The following VWCE variants were observed in gnomAD, a reference collection of about 807,000 sequenced individuals.
The protein encoded by VWCE is von Willebrand factor C and EGF domain-containing protein.
Under a neutral mutation model 102.9 loss-of-function variants are expected in VWCE, and 68 were observed. The observed-to-expected ratio is 0.66, with a 90% CI of 0.54 to 0.81. The LOEUF is 0.81. VWCE is among the 30% of genes least tolerant of loss of function. The pLI, the probability that VWCE is intolerant of heterozygous loss-of-function variation, is 0.00. For synonymous variants in VWCE, 497 were observed against 515.4 expected (o/e 0.96, Z 0.48); for missense variants, 1,137 against 1,263.6 (o/e 0.90, Z 1.52).
In VWCE at chr11:61,265,027, C is replaced by T. The variant is rs556243257; in HGVS notation, c.2068G>A (p.Glu690Lys). The T allele has an allele frequency of 5.1e-5, 83 of 1,614,152 alleles. No homozygotes were observed. Among genetic ancestry groups the T allele is most frequent in the South Asian group, 7.7e-5 (7 of 91,084 alleles). Residue 690 changes from glutamate (E) to lysine (K), a missense_variant, in exon 18 of 20, where the codon GAG becomes AAG. Physicochemically the swap from Glu to Lys is moderately conservative, Grantham distance 56. Transcript: ENST00000335613. ...TGGCCATTCGCCACCTTCCTTCCCT[C>T]GTAGTTGCAGTCTGTGGAGGAAGGG... ...CCPVCRDCNYEGRKVANGQVF... is the reference protein window; with the variant it reads ...CCPVCRDCNYKGRKVANGQVF...
Position 61,280,724 on chromosome 11 carries a change from G to C in VWCE, c.1231-7C>G, listed in dbSNP as rs78505441. 9,234 of 1,613,878 alleles carry C rather than the reference G, an allele frequency of 5.7e-3. 205 individuals carry two copies. The African/African-American group carries it at 0.058, about 10-fold the overall frequency. Reference sequence around the variant, plus strand: ...CACAGGTCACCTTCCCGTCCTAGAAGCACAAGCAGGAGTTAGAGCCACCAC... The same window carrying C: ...CACAGGTCACCTTCCCGTCCTAGAACCACAAGCAGGAGTTAGAGCCACCAC... On this transcript the variant is annotated splice_region_variant and splice_polypyrimidine_tract_variant and intron_variant, in intron 8 of 19. Coordinates refer to ENST00000335613, the MANE Select transcript of VWCE (RefSeq NM_152718.2).
chr11:61,274,171 G>A (rs550203098), intron 12 of VWCE, among the ~76,000 whole-genome samples: 14 of 152,130 alleles, frequency 9.2e-5, no homozygotes, highest in Admixed American at 3.3e-4. Flanking sequence ...TTAACATCCC[G>A]CCTTCCAAAA....
rs753082111 is a variant in VWCE, at chr11:61,270,241, C to T, written c.1786-1223G>A. Among the ~76,000 whole-genome samples, 109 of 152,218 alleles carry T rather than the reference C, an allele frequency of 7.2e-4. 2 individuals are homozygous for T. Among genetic ancestry groups the T allele is most frequent in the East Asian group, 5.8e-4 (3 of 5,180 alleles). On this transcript the variant is annotated intron_variant, in intron 14 of 19. Transcript: ENST00000335613. The stretch of plus-strand genomic sequence containing the variant: ...GCCCAGCTTACAGCTTTTTAACAAA[C>T]GGCTCATCGAAGGCACTAGAAGGCT...
Position 61,294,030 on chromosome 11 carries a change from A to G in VWCE, c.110+898T>C, listed in dbSNP as rs1419572538. ...CTCTCAGAAACGGACAGGCAGTGCC[A>G]CCAAGGCGGCAGATAAAAGGGTGCC... On this transcript the variant is annotated intron_variant, in intron 1 of 19. Transcript: ENST00000335613. This position sits in a 1 kb window ranked among gnomAD's most constrained non-coding sequence, Gnocchi z 6.3. Among the ~76,000 whole-genome samples the G allele has an allele frequency of 6.6e-6, 1 of 152,176 alleles. No homozygotes were observed. The highest frequency in any genetic ancestry group is 1.9e-4 in the East Asian group (1 of 5,194).
chr11:61,268,835 A>C, intron 15 of VWCE, 87 bp downstream of exon 15: 6 of 1,360,588 alleles, frequency 4.4e-6, no homozygotes, highest in Non-Finnish European at 6.2e-6. Context: ...TGTTAGGACG[A>C]CATGAGATGA....
chr11:61,286,779 C>T (rs944294149), intron 4 of VWCE, among the ~76,000 whole-genome samples: 14 of 151,546 alleles, frequency 9.2e-5, no homozygotes, highest in South Asian at 6.3e-4. Flanking sequence ...CCAGCCTGGG[C>T]GACAAGAGCA....
At chr11:61,285,358 A>C (rs770302473) in intron 5 of VWCE, among the ~76,000 whole-genome samples, 34 of 152,170 alleles carry the variant, frequency 2.2e-4, no homozygotes, top group Non-Finnish European at 3.1e-4. Flanking sequence ...ATAATGTGTA[A>C]ATAAAAGGCA....
rs753648689 is a variant in VWCE, at chr11:61,264,516, A to G, written c.2201T>C (p.Leu734Pro). 2 of 1,613,700 alleles carry G rather than the reference A, an allele frequency of 1.2e-6. No individual in the cohort carries two copies. The highest frequency in any genetic ancestry group is 2.2e-5 in the South Asian group (2 of 90,900). The change falls in exon 19 of 20, where the codon CTT becomes CCT. Residue 734 changes from leucine (L) to proline (P), a missense_variant. Transcript: ENST00000335613. ...ACAGGAAGAGCAGCAGTCCCCAGGA[A>G]GCAGGGCAGGGTCGGCACAGGCCCG... ...CQRACADPAL[L>P]PGDCCSSCPD...
At chr11:61,274,643 G>A (rs561804113) in intron 11 of VWCE, 59 bp from the exon 12 acceptor site, 16 of 1,540,860 alleles carry the variant, frequency 1.0e-5, no homozygotes, top group Non-Finnish European at 1.4e-5. Flanking sequence ...GCTAAAGAAA[G>A]GGGGGAACAA....
rs1463567434 is a variant in VWCE at position 61,282,819 on chromosome 11, G to A, written c.628C>T (p.His210Tyr). 1.9e-6 allele frequency: 3 copies of A among 1,614,094 alleles called. No individual in the cohort carries two copies. The highest frequency in any genetic ancestry group is 1.3e-5 in the African/African-American group (1 of 74,942). Residue 210 changes from histidine to tyrosine, a missense_variant, in exon 6 of 20, where the codon CAC becomes TAC. By Grantham distance (83) the His-to-Tyr change is moderately conservative. Coordinates refer to ENST00000335613, the MANE Select transcript of VWCE (RefSeq NM_152718.2). ...CAGGAGTGCCGGTTGCCATGAAGGT[G>A]GAAGCCAGTTCGACAGGAACACTTG... ...SYKCSCRTGF[H>Y]LHGNRHSCVD... is the part of the protein sequence containing the mutation.
rs1182606202 is a variant in VWCE at position 61,258,415 on chromosome 11, C to G, written c.*260G>C. On this transcript the variant is annotated 3_prime_UTR_variant, in exon 20 of 20. Coordinates refer to ENST00000335613, the MANE Select transcript of VWCE (RefSeq NM_152718.2). ...CCAGGAGAACTTGGCAGTCCCAACC[C>G]TTCTCAAAAGATGAGCCAGCCACGC... is the stretch of plus-strand genomic sequence containing the variant. 2.9e-6 allele frequency: 1 copy of G among 341,980 alleles called. No homozygotes were observed. The highest frequency in any genetic ancestry group is 2.1e-5 in the African/African-American group (1 of 47,502). 21.2% of individuals were successfully genotyped at this position (341,980 alleles called of 1,614,324 possible). A position where few individuals can be genotyped will look rare whatever the true frequency, so the allele number is the denominator to read the frequency against.
chr11:61,273,318 T>C lies in VWCE; in HGVS notation c.1582-2A>G, dbSNP rs1854793732. 6.2e-7 allele frequency: 1 copy of C among 1,607,230 alleles called. No homozygotes were observed. On this transcript the variant is annotated splice_acceptor_variant, in intron 12 of 19. Coordinates refer to ENST00000335613, the MANE Select transcript of VWCE (RefSeq NM_152718.2). LOFTEE classifies it high-confidence loss of function. Reference sequence around the variant, plus strand: ...GAAGGAGCACTCCACCTCCCCATTCTGGAAGAGAGCCCAGGCACAGAATGA... The same window carrying C: ...GAAGGAGCACTCCACCTCCCCATTCCGGAAGAGAGCCCAGGCACAGAATGA...
chr11:61,282,824 C>A lies in VWCE; in HGVS notation c.623G>T (p.Gly208Val). Residue 208 changes from glycine to valine, a missense_variant, in exon 6 of 20, where the codon GGC becomes GTC. Coordinates refer to ENST00000335613, the MANE Select transcript of VWCE (RefSeq NM_152718.2). Reference sequence around the variant, plus strand: ...GTGCCGGTTGCCATGAAGGTGGAAGCCAGTTCGACAGGAACACTTGTAGCT... The same window carrying A: ...GTGCCGGTTGCCATGAAGGTGGAAGACAGTTCGACAGGAACACTTGTAGCT... Reference protein sequence around the residue: ...IGSYKCSCRTGFHLHGNRHSC... With the variant: ...IGSYKCSCRTVFHLHGNRHSC... 1 of 1,614,200 alleles carries A rather than the reference C, an allele frequency of 6.2e-7. No individual in the cohort carries two copies. The highest frequency in any genetic ancestry group is 8.5e-7 in the Non-Finnish European group (1 of 1,180,030).
chr11:61,286,639 T>C (rs1200927682), intron 4 of VWCE, among the ~76,000 whole-genome samples: 9 of 151,626 alleles, frequency 5.9e-5, no homozygotes, highest in Non-Finnish European at 1.3e-4. Flanking sequence ...CCGTCTCTAC[T>C]AAAAATACAA....
chr11:61,271,487 C>A, intron 14 of VWCE, 188 bp downstream of exon 14: 1 of 548,820 alleles, frequency 1.8e-6, no homozygotes, highest in Admixed American at 3.0e-5. Flanking sequence ...GCACCATCGT[C>A]CTCACACATC....
In VWCE at chr11:61,278,408, C is replaced by T. The variant is rs529893923; in HGVS notation, c.1393G>A (p.Val465Ile). The T allele has an allele frequency of 4.1e-5, 66 of 1,614,024 alleles. No individual in the cohort carries two copies. Among genetic ancestry groups the T allele is most frequent in the East Asian group, 8.9e-5 (4 of 44,900 alleles). Reference protein sequence around the residue: ...VFSPPNENCTVCVCLAGNVSC... With the variant: ...VFSPPNENCTICVCLAGNVSC... Reference sequence around the variant, plus strand: ...GTGACGCTTACCAGACAGACACAGACGGTGCAGTTCTCATTGGGAGGTGAA... The same window carrying T: ...GTGACGCTTACCAGACAGACACAGATGGTGCAGTTCTCATTGGGAGGTGAA... The change falls in exon 10 of 20, where the codon GTC (valine) becomes ATC (isoleucine). Residue 465 changes from valine (V) to isoleucine (I), a missense_variant. By Grantham distance (29) the Val-to-Ile change is conservative (BLOSUM62 3). Transcript: ENST00000335613.
rs535036663 is a variant in VWCE, at chr11:61,259,015, C to G, written c.2528G>C (p.Arg843Pro). Reference sequence around the variant, plus strand: ...AGGGGTCGAAGGCCCTGGTGAGAGTCGAGGGGAGGCCCCAGGCTCCCCTGG... The same window carrying G: ...AGGGGTCGAAGGCCCTGGTGAGAGTGGAGGGGAGGCCCCAGGCTCCCCTGG... ...TFPGEPGASPRLSPGPSTPPG... is the reference protein window; with the variant it reads ...TFPGEPGASPPLSPGPSTPPG... The change falls in exon 20 of 20, where the codon CGA becomes CCA. Residue 843 changes from arginine to proline, a missense_variant. Physicochemically the swap from Arg to Pro is moderately radical, Grantham distance 103. This residue lies in a region of VWCE where 316 missense variants were observed against 319.3 expected (regional missense o/e 0.99). Transcript: ENST00000335613. 6.2e-7 allele frequency: 1 copy of G among 1,613,632 alleles called. No homozygotes were observed. The highest frequency in any genetic ancestry group is 1.3e-5 in the African/African-American group (1 of 74,998).
chr11:61,265,483 T>A (rs1302122354), intron 16 of VWCE, among the ~76,000 whole-genome samples: 1 of 152,110 alleles, frequency 6.6e-6, no homozygotes, highest in Non-Finnish European at 1.5e-5. Flanking sequence ...CCAGAAAAGA[T>A]AAGCACCAAA....
chr11:61,274,564 G>A lies in VWCE; in HGVS notation c.1516C>T (p.Arg506Trp), dbSNP rs887603596. ...CVPVRCYFHG[R>W]WYADGAVFSG... is the part of the protein sequence containing the mutation. ...AACACAGCCCCGTCTGCGTACCACC[G>A]GCCGTGGAAATAGCATCTCACTGCA... The change falls in exon 12 of 20, where the codon CGG becomes TGG. Residue 506 changes from arginine (R) to tryptophan (W), a missense_variant. This residue lies in a region of VWCE where 212 missense variants were observed against 235.1 expected (regional missense o/e 0.90). Coordinates refer to ENST00000335613, the MANE Select transcript of VWCE (RefSeq NM_152718.2). 23 of 1,613,684 alleles carry A rather than the reference G, an allele frequency of 1.4e-5. No homozygotes were observed. The highest frequency in any genetic ancestry group is 8.3e-5 in the Admixed American group (5 of 59,956).
Sources: allele counts gnomAD v4.1 joint callset (sites outside exome capture counted in the v4.1 genomes callset), GRCh38; gene constraint gnomAD v4.1.1; regional missense constraint gnomAD v4.1.1; non-coding constraint Gnocchi (gnomAD v3.1); transcripts MANE v1.5; gene names NCBI Gene and HGNC (gene_info 2026-07-23, HGNC 2026-07-21).